The following SNTG2 variants were observed in gnomAD, a reference collection of about 807,000 sequenced individuals.
SNTG2 encodes the protein gamma-2-syntrophin.
SNTG2 carries 74 observed loss-of-function variants against 70.9 expected under a neutral mutation model. The ratio of observed to expected loss-of-function variants is 1.04; its 90% CI spans 0.86 to 1.27. The LOEUF (loss-of-function observed/expected upper bound fraction) is 1.27. SNTG2 is among the 50% of genes most tolerant of loss of function. SNTG2 has a pLI of 0.00. For synonymous variants in SNTG2, 278 were observed against 273.8 expected, an observed-to-expected ratio of 1.02 and a Z score of -0.15; for missense variants, 717 against 690.7, an observed-to-expected ratio of 1.04 and a Z score of -0.43.
chr2:1,315,466 C>T (rs1005343230), intron 15 of SNTG2, among the ~76,000 whole-genome samples: 8 of 151,286 alleles, frequency 5.3e-5, no homozygotes, highest in Non-Finnish European at 8.8e-5. Flanking sequence ...GGAAATTTGA[C>T]GTATGGCTTG....
At chr2:965,110 ACCCCAG>A (rs1660491991) in intron 1 of SNTG2, among the ~76,000 whole-genome samples, 2 of 138,850 alleles carry the variant, frequency 1.4e-5, no homozygotes, top group East Asian at 2.3e-4. Context: ...TCCTCCTTGG[ACCCCAG>A]TCCTCCTCCT....
chr2:1,255,135 C>T (rs912523635), intron 12 of SNTG2, among the ~76,000 whole-genome samples: 1 of 152,010 alleles, frequency 6.6e-6, no homozygotes, highest in Admixed American at 6.5e-5. Context: ...GGCGTGGAGT[C>T]TGGATTTCAG....
intron 6 of SNTG2, among the ~76,000 whole-genome samples, chr2:1,157,006 C>G (rs992749927): frequency 3.3e-5 from 5 of 152,150 alleles, no homozygotes; most frequent in African/African-American, 1.2e-4. Context: ...CCAGGGAATG[C>G]AGACAGGAAA....
intron 11 of SNTG2, among the ~76,000 whole-genome samples, chr2:1,245,181 T>G (rs1677347522): frequency 1.3e-5 from 2 of 148,346 alleles, no homozygotes; most frequent in African/African-American, 2.5e-5. Context: ...AGATGACACG[T>G]TAGTGGGTGC....
At chr2:1,339,455 G>C (rs1487417822) in intron 16 of SNTG2, among the ~76,000 whole-genome samples, 1 of 152,160 alleles carries the variant, frequency 6.6e-6, no homozygotes, top group Non-Finnish European at 1.5e-5. Flanking sequence ...TCACTTACCA[G>C]AGTTATCTAA....
At chr2:1,335,971 T>C (rs905191470) in intron 16 of SNTG2, among the ~76,000 whole-genome samples, 3 of 152,206 alleles carry the variant, frequency 2.0e-5, no homozygotes, top group Non-Finnish European at 2.9e-5. Flanking sequence ...CTCATTGCTT[T>C]GTTTTCCTAT....
chr2:1,137,955 C>A, intron 6 of SNTG2, 146 bp downstream of exon 6: 1 of 852,860 alleles, frequency 1.2e-6, no homozygotes, highest in Middle Eastern at 3.5e-4. Context: ...AATCATGTTA[C>A]AAAAGGACCT....
At chr2:1,350,761 T>C (rs377720700) in intron 16 of SNTG2, among the ~76,000 whole-genome samples, 97 of 152,256 alleles carry the variant, frequency 6.4e-4, no homozygotes, top group African/African-American at 2.2e-3. Context: ...ATGAAGTTTT[T>C]TCAGCTGTCA....
intron 4 of SNTG2, among the ~76,000 whole-genome samples, chr2:1,134,147 C>T (rs554896234): frequency 1.6e-4 from 24 of 152,148 alleles, no homozygotes; most frequent in African/African-American, 4.3e-4. Flanking sequence ...GAGACCTTTG[C>T]GGTGAGTGTT....
At chr2:1,308,214 G>A (rs899705111) in intron 14 of SNTG2, among the ~76,000 whole-genome samples, 2 of 152,104 alleles carry the variant, frequency 1.3e-5, no homozygotes, top group Non-Finnish European at 2.9e-5. Context: ...GATTGGCTGG[G>A]CTCTGTGCAT....
intron 14 of SNTG2, among the ~76,000 whole-genome samples, chr2:1,305,851 C>T (rs1680647889): frequency 6.6e-6 from 1 of 152,152 alleles, no homozygotes; most frequent in Non-Finnish European, 1.5e-5. Context: ...TAACTTTGTC[C>T]TGTGCCGTAA....
intron 9 of SNTG2, among the ~76,000 whole-genome samples, chr2:1,217,342 C>G (rs566097242): frequency 1.3e-5 from 2 of 152,240 alleles, no homozygotes; most frequent in African/African-American, 4.8e-5. Flanking sequence ...AAAATGGGAA[C>G]TATGCGTTTG....
At chr2:1,136,268 G>A (rs1408493116) in intron 4 of SNTG2, among the ~76,000 whole-genome samples, 1 of 151,914 alleles carries the variant, frequency 6.6e-6, no homozygotes, top group Non-Finnish European at 1.5e-5. Context: ...CGTGTGGCTA[G>A]AGAGGGGAAC....
chr2:970,357 C>T (rs891954791), intron 1 of SNTG2, among the ~76,000 whole-genome samples: 6 of 150,726 alleles, frequency 4.0e-5, no homozygotes, highest in East Asian at 4.0e-4. Flanking sequence ...CATGCTGGTG[C>T]GCTGCACCCA....
intron 16 of SNTG2, among the ~76,000 whole-genome samples, chr2:1,330,450 ACTGGGAAAGGC>A (rs1558212390): frequency 3.3e-5 from 5 of 152,220 alleles, no homozygotes; most frequent in East Asian, 1.9e-4. Flanking sequence ...TTTCCCAGGG[ACTGGGAAAGGC>A]CTGGGAAAGC....
chr2:1,113,500 C>A (rs1666667991), intron 4 of SNTG2, among the ~76,000 whole-genome samples: 1 of 152,142 alleles, frequency 6.6e-6, no homozygotes, highest in African/African-American at 2.4e-5. Flanking sequence ...AGGTTTAACC[C>A]TTACAGTCCT....
At chr2:1,242,643 A>C (rs1016572828) in intron 11 of SNTG2, 1 of 152,176 alleles carries the variant, frequency 6.6e-6, no homozygotes, top group African/African-American at 2.4e-5. Context: ...CCTGAATTTT[A>C]ATTTAGGTAG....
chr2:1,077,561 G>A lies in SNTG2; in HGVS notation c.73-5957G>A, dbSNP rs143031986. Among the ~76,000 whole-genome samples the A allele has an allele frequency of 1.3e-3, 193 of 152,172 alleles. 3 individuals carry two copies. In the East Asian group the frequency reaches 0.028, roughly 22 times the overall value. ...TCCATGAACCCCGGGTCTGCGGCAC[G>A]CATTTAGTTTCGAATATGGTATTTT... On this transcript the variant is annotated intron_variant, in intron 1 of 16. Transcript: ENST00000308624.
intron 13 of SNTG2, among the ~76,000 whole-genome samples, chr2:1,266,439 G>T (rs1678739502): frequency 6.6e-6 from 1 of 152,212 alleles, no homozygotes; most frequent in Admixed American, 6.5e-5. Context: ...CGTGCTGTAA[G>T]TAACTTACAT....
Sources: gnomAD v4.1 joint callset for allele counts (sites outside exome capture counted in the v4.1 genomes callset) on GRCh38, gnomAD v4.1.1 for gene constraint, MANE v1.5 for transcripts, NCBI Gene and HGNC (gene_info 2026-07-23, HGNC 2026-07-21) for gene names.